STAB2: variants seen among roughly 807,000 people sequenced by gnomAD.
STAB2 encodes stabilin-2.
A neutral mutation model predicts 338.1 loss-of-function variants in STAB2; 288 were observed. The ratio of observed to expected loss-of-function variants is 0.85; its 90% CI spans 0.77 to 0.94. The LOEUF is 0.94. Ranked by LOEUF, STAB2 falls within the 40% of genes least tolerant of loss-of-function variation. The pLI, the probability that STAB2 is intolerant of heterozygous loss-of-function variation, is 0.00. For synonymous variants in STAB2, 1,202 were observed against 1,193.3 expected (o/e 1.01, Z -0.15); for missense variants, 3,141 against 3,210.1 (o/e 0.98, Z 0.52).
At chr12:103,704,229 G>A (rs1879144726) in intron 35 of STAB2, among the ~76,000 whole-genome samples, 1 of 152,154 alleles carries the variant, frequency 6.6e-6, no homozygotes. Context: ...CTGGGCACTG[G>A]GTACAGTAAC....
chr12:103,761,030 C>T (rs1011569077), intron 65 of STAB2, among the ~76,000 whole-genome samples: 1 of 152,082 alleles, frequency 6.6e-6, no homozygotes, highest in Non-Finnish European at 1.5e-5. Flanking sequence ...TGGGTCAGGC[C>T]ACTTTCCTTC....
chr12:103,683,331 T>C, intron 26 of STAB2, 31 bp downstream of exon 26: 1 of 1,197,650 alleles, frequency 8.3e-7, no homozygotes, highest in Non-Finnish European at 1.2e-6. Context: ...TTTCATTACT[T>C]AAAAAAAAAA....
intron 66 of STAB2, 118 bp downstream of exon 66, chr12:103,761,528 C>A: frequency 1.2e-6 from 1 of 851,486 alleles, no homozygotes; most frequent in Non-Finnish European, 1.8e-6. Flanking sequence ...ACTGGAGGAG[C>A]CTCCAGCCTC....
intron 19 of STAB2, 134 bp downstream of exon 19, chr12:103,666,487 C>A: frequency 2.3e-6 from 2 of 854,324 alleles, no homozygotes; most frequent in Non-Finnish European, 3.8e-6. Flanking sequence ...TCGTAGCCTA[C>A]TATATGGGGG....
intron 61 of STAB2, chr12:103,755,085 G>C: frequency 1.8e-6 from 1 of 569,996 alleles, no homozygotes; most frequent in African/African-American, 1.9e-5. Context: ...AAAGACCTGG[G>C]CACCTACAAG....
Position 103,694,956 on chromosome 12 carries a change from A to G in STAB2, c.3376-594A>G, listed in dbSNP as rs76901027. 4.5e-3 allele frequency among the ~76,000 whole-genome samples: 691 copies of G among 152,040 alleles called. 6 individuals are homozygous for G. Among genetic ancestry groups the G allele is most frequent in the African/African-American group, 0.016 (662 of 41,440 alleles). ...GCCTATAATGAAAGTGGCTGCTGCT[A>G]CTCTCTGCAGCTGTGTGTCTGCAGA... On this transcript the variant is annotated intron_variant, in intron 31 of 68. Coordinates refer to ENST00000388887, the MANE Select transcript of STAB2 (RefSeq NM_017564.10).
intron 51 of STAB2, 131 bp downstream of exon 51, chr12:103,733,313 C>A (rs149755541): frequency 3.8e-6 from 4 of 1,058,690 alleles, no homozygotes; most frequent in South Asian, 1.5e-5. Flanking sequence ...GCCACAGCAT[C>A]CCCTGCCCCA....
intron 3 of STAB2, among the ~76,000 whole-genome samples, chr12:103,595,427 A>G (rs1956860659): frequency 6.6e-6 from 1 of 152,192 alleles, no homozygotes; most frequent in Non-Finnish European, 1.5e-5. Flanking sequence ...AAGAAAAAAT[A>G]TCAATTTGTA....
chr12:103,753,638 TAGAA>T (rs1407976837), intron 61 of STAB2, among the ~76,000 whole-genome samples: 1 of 152,188 alleles, frequency 6.6e-6, no homozygotes, highest in Non-Finnish European at 1.5e-5. Context: ...AACTGAGGCT[TAGAA>T]AGTTTAAGTA....
intron 3 of STAB2, among the ~76,000 whole-genome samples, chr12:103,609,577 G>A (rs11532374): frequency 0.04 from 6,114 of 152,154 alleles, 178 homozygotes; most frequent in East Asian, 0.12. Flanking sequence ...TCAGCTTAAG[G>A]AGATTTTGGG....
chr12:103,622,030 G>T lies in STAB2; in HGVS notation c.418-12G>T, dbSNP rs1344909609. 2 of 1,613,984 alleles carry T rather than the reference G, an allele frequency of 1.2e-6. No individual in the cohort carries two copies. The highest frequency in any genetic ancestry group is 1.7e-6 in the Non-Finnish European group (2 of 1,180,010). On this transcript the variant is annotated splice_polypyrimidine_tract_variant and intron_variant, in intron 4 of 68. Transcript: ENST00000388887. Reference sequence around the variant, plus strand: ...CTTGGGTCTAATGTCAACCACCTGGGGTGTTTTGCAGGAAGGGTTTGGTGG... The same window carrying T: ...CTTGGGTCTAATGTCAACCACCTGGTGTGTTTTGCAGGAAGGGTTTGGTGG...
chr12:103,704,146 G>A (rs933183935), intron 35 of STAB2, among the ~76,000 whole-genome samples: 10 of 152,196 alleles, frequency 6.6e-5, no homozygotes, highest in Non-Finnish European at 1.3e-4. Flanking sequence ...TTTACTCTTT[G>A]TTTTGTAATA....
At chr12:103,667,512 A>AT (rs1343356912) in intron 19 of STAB2, among the ~76,000 whole-genome samples, 1 of 152,152 alleles carries the variant, frequency 6.6e-6, no homozygotes, top group Non-Finnish European at 1.5e-5. Context: ...TCACCATTCT[A>AT]TGATTGTCTC....
At chr12:103,609,047 T>G (rs1304014536) in intron 3 of STAB2, among the ~76,000 whole-genome samples, 1 of 152,210 alleles carries the variant, frequency 6.6e-6, no homozygotes, top group Non-Finnish European at 1.5e-5. Context: ...ATGGTCTATA[T>G]CGCTGTTTTG....
intron 6 of STAB2, among the ~76,000 whole-genome samples, chr12:103,635,850 G>C (rs988556654): frequency 3.3e-5 from 5 of 152,120 alleles, no homozygotes; most frequent in Admixed American, 6.5e-5. Context: ...TGACCTCCCA[G>C]CCACCCCAGA....
At chr12:103,765,270 T>C (rs926104384) in intron 68 of STAB2, among the ~76,000 whole-genome samples, 1 of 152,124 alleles carries the variant, frequency 6.6e-6, no homozygotes, top group Non-Finnish European at 1.5e-5. Flanking sequence ...ATCAGCACCA[T>C]GCATGAAAGA....
At chr12:103,758,786 C>A (rs549933947) in intron 64 of STAB2, among the ~76,000 whole-genome samples, 3 of 152,322 alleles carry the variant, frequency 2.0e-5, no homozygotes, top group East Asian at 3.9e-4. Flanking sequence ...AGAGGATTGG[C>A]GGTATTTATT....
At chr12:103,596,816 G>T (rs73394003) in intron 3 of STAB2, among the ~76,000 whole-genome samples, 3,632 of 152,116 alleles carry the variant, frequency 0.024, 61 homozygotes, top group African/African-American at 0.053. Flanking sequence ...AAAGGTAGCT[G>T]GGCATGGTGG....
intron 34 of STAB2, 152 bp from the exon 35 acceptor site, chr12:103,702,996 C>G (rs893000673): frequency 4.3e-6 from 4 of 922,980 alleles, no homozygotes; most frequent in Non-Finnish European, 6.1e-6. Flanking sequence ...GCTCCTAAGT[C>G]AGAGCTCTTT....
Sources: gnomAD v4.1 joint callset for allele counts (sites outside exome capture counted in the v4.1 genomes callset) on GRCh38, gnomAD v4.1.1 for gene constraint, MANE v1.5 for transcripts, NCBI Gene and HGNC (gene_info 2026-07-23, HGNC 2026-07-21) for gene names.